The following CSRP3 variants were observed in gnomAD, a reference collection of about 807,000 sequenced individuals.
The protein encoded by CSRP3 is cysteine and glycine-rich protein 3.
A neutral mutation model predicts 24.3 loss-of-function variants in CSRP3; 24 were observed. The ratio of observed to expected loss-of-function variants is 0.99; its 90% CI spans 0.71 to 1.39. CSRP3 has a LOEUF of 1.39. Among genes scored for constraint, CSRP3 ranks in the 40% most tolerant of loss-of-function variants. The pLI is 0.00. For missense variants in CSRP3, 240 were observed against 249.0 expected (o/e 0.96, Z 0.24); for synonymous variants, 105 against 94.0 (o/e 1.12, Z -0.68).
chr11:19,185,091 A>G, intron 4 of CSRP3, 46 bp from the exon 5 acceptor site: 1 of 1,400,334 alleles, frequency 7.1e-7, no homozygotes, highest in Non-Finnish European at 1.0e-6. Flanking sequence ...TAGGCAACAC[A>G]TTCTGTTTCC....
intron 1 of CSRP3, among the ~76,000 whole-genome samples, chr11:19,198,999 G>C (rs1010461870): frequency 7.2e-5 from 11 of 152,198 alleles, no homozygotes; most frequent in Non-Finnish European, 1.6e-4. Flanking sequence ...CAGTTTTCAA[G>C]TCTGTTCTTT....
At chr11:19,184,658 ACT>A (rs1850495027) in intron 5 of CSRP3, among the ~76,000 whole-genome samples, 1 of 152,200 alleles carries the variant, frequency 6.6e-6, no homozygotes, top group Admixed American at 6.5e-5. Context: ...GAGGCAGGGC[ACT>A]GTTTCCTCCT....
chr11:19,196,184 A>G (rs1435468530), intron 1 of CSRP3, among the ~76,000 whole-genome samples: 2 of 152,120 alleles, frequency 1.3e-5, no homozygotes, highest in African/African-American at 4.8e-5. Flanking sequence ...AATCACTTGA[A>G]CCCAGGAGGT....
At chr11:19,185,554 C>T (rs1407466192) in intron 4 of CSRP3, among the ~76,000 whole-genome samples, 3 of 152,224 alleles carry the variant, frequency 2.0e-5, no homozygotes, top group Admixed American at 6.5e-5. Context: ...CTACCAGGTA[C>T]AGCCCAGGGC....
Position 19,194,030 on chromosome 11 carries a change from C to T in CSRP3, c.-28-1554G>A, listed in dbSNP as rs7119770. Among the ~76,000 whole-genome samples the T allele has an allele frequency of 2.7e-3, 414 of 152,294 alleles. 2 individuals carry two copies. The highest frequency in any genetic ancestry group is 9.2e-3 in the African/African-American group (384 of 41,558). ...GCCTAGTGTGTCATGACATGGAGCA[C>T]TATCCAGCCATTCTGAGTGGCTGCT... On this transcript the variant is annotated intron_variant, in intron 1 of 5. Coordinates refer to ENST00000265968, the MANE Select transcript of CSRP3 (RefSeq NM_003476.5).
chr11:19,183,861 G>A (rs1054484224), intron 5 of CSRP3, among the ~76,000 whole-genome samples: 1 of 152,012 alleles, frequency 6.6e-6, no homozygotes. Context: ...GGGACCCAGC[G>A]GGAGATAATT....
intron 4 of CSRP3, among the ~76,000 whole-genome samples, chr11:19,185,721 C>T (rs550664355): frequency 1.3e-5 from 2 of 152,302 alleles, no homozygotes; most frequent in Non-Finnish European, 1.5e-5. Flanking sequence ...AGGCTTTGGG[C>T]CTGAAACTGG....
chr11:19,198,374 C>G (rs1850777867), intron 1 of CSRP3, among the ~76,000 whole-genome samples: 1 of 152,184 alleles, frequency 6.6e-6, no homozygotes, highest in Non-Finnish European at 1.5e-5. Flanking sequence ...CATTGTCTCT[C>G]CATGGGACAC....
At chr11:19,189,993 C>G (rs1273122011) in intron 2 of CSRP3, among the ~76,000 whole-genome samples, 9 of 152,120 alleles carry the variant, frequency 5.9e-5, no homozygotes, top group Admixed American at 5.9e-4. Context: ...GGTCTAGACT[C>G]TGAGTTCCTT....
intron 2 of CSRP3, among the ~76,000 whole-genome samples, chr11:19,190,088 G>A (rs748629729): frequency 6.6e-6 from 1 of 152,218 alleles, no homozygotes; most frequent in East Asian, 1.9e-4. Context: ...CATTTATTGA[G>A]TACATGAATG....
At chr11:19,191,728 C>T (rs967905663) in intron 2 of CSRP3, among the ~76,000 whole-genome samples, 1 of 152,182 alleles carries the variant, frequency 6.6e-6, no homozygotes, top group Admixed American at 6.5e-5. Context: ...AGGTTCAAGC[C>T]ACAAGGTCTC....
At chr11:19,199,380 C>T (rs1241630375) in intron 1 of CSRP3, among the ~76,000 whole-genome samples, 1 of 152,198 alleles carries the variant, frequency 6.6e-6, no homozygotes, top group East Asian at 1.9e-4. Flanking sequence ...GCTCTCAGCC[C>T]CTTTTAAACT....
chr11:19,196,417 A>G (rs1850705799), intron 1 of CSRP3, among the ~76,000 whole-genome samples: 1 of 152,242 alleles, frequency 6.6e-6, no homozygotes, highest in Non-Finnish European at 1.5e-5. Flanking sequence ...TTAAAGCAGT[A>G]TTGAGAAATT....
intron 2 of CSRP3, among the ~76,000 whole-genome samples, chr11:19,192,076 G>A (rs180870854): frequency 1.8e-4 from 28 of 152,280 alleles, no homozygotes; most frequent in African/African-American, 6.5e-4. Context: ...TGACAGGCTA[G>A]CTTGTTCTGA....
Position 19,182,608 on chromosome 11 carries a change from T to G in CSRP3, c.*62A>C. ...GGCTATTTGGGGAAAGGTATCGATC[T>G]GTGCAGGATTACTTGGCAAGTGTTT... On this transcript the variant is annotated 3_prime_UTR_variant, in exon 6 of 6. Transcript: ENST00000265968. 5 of 1,295,352 alleles carry G rather than the reference T, an allele frequency of 3.9e-6. No individual in the cohort carries two copies. The highest frequency in any genetic ancestry group is 5.6e-6 in the Non-Finnish European group (5 of 888,850). The allele number at this position is 1,295,352 out of a possible 1,614,324, so 80.2% of individuals were successfully genotyped here.
chr11:19,188,892 C>T (rs937306154), intron 2 of CSRP3, among the ~76,000 whole-genome samples: 30 of 151,884 alleles, frequency 2.0e-4, no homozygotes, highest in African/African-American at 6.8e-4. Context: ...TGGCTCAAGC[C>T]CCCTGGTTAC....
intron 1 of CSRP3, among the ~76,000 whole-genome samples, chr11:19,199,571 C>T (rs1850801391): frequency 6.6e-6 from 1 of 152,240 alleles, no homozygotes; most frequent in Non-Finnish European, 1.5e-5. Context: ...CCTGGCTCTG[C>T]CGCTTTCTCA....
At chr11:19,183,608 AATT>A (rs1301494589) in intron 5 of CSRP3, among the ~76,000 whole-genome samples, 1 of 152,058 alleles carries the variant, frequency 6.6e-6, no homozygotes, top group African/African-American at 2.4e-5. Flanking sequence ...TTTGCAATGC[AATT>A]ATTCATTTAC....
At chr11:19,201,760 C>T (rs1242696578) in intron 1 of CSRP3, among the ~76,000 whole-genome samples, 194 bp downstream of exon 1, 1 of 152,132 alleles carries the variant, frequency 6.6e-6, no homozygotes, top group African/African-American at 2.4e-5. Context: ...ATTAACCATC[C>T]TTGCAGGAAT....
Sources: allele counts gnomAD v4.1 joint callset (sites outside exome capture counted in the v4.1 genomes callset), GRCh38; gene constraint gnomAD v4.1.1; transcripts MANE v1.5; gene names NCBI Gene and HGNC (gene_info 2026-07-23, HGNC 2026-07-21).